Variants in SEM1 observed in about 807,000 individuals in gnomAD.
The protein encoded by SEM1 is 26S proteasome complex subunit SEM1.
In SEM1, 3 loss-of-function variants were observed where a neutral mutation model predicts 12.7. The observed-to-expected ratio is 0.24, with a 90% CI of 0.11 to 0.61. The LOEUF is 0.61. SEM1 is among the 20% of genes least tolerant of loss of function. The probability of loss-of-function intolerance (pLI) is 0.88; values close to 1 mark genes in which losing one functional copy is unlikely to be tolerated. For missense variants in SEM1, 59 were observed against 81.3 expected, an observed-to-expected ratio of 0.73 and a Z score of 1.06; for synonymous variants, 30 against 27.8, an observed-to-expected ratio of 1.08 and a Z score of -0.25.
intron 2 of SEM1, among the ~76,000 whole-genome samples, chr7:96,605,971 A>G (rs1357723006): frequency 1.3e-5 from 2 of 152,174 alleles, no homozygotes; most frequent in Non-Finnish European, 2.9e-5. Flanking sequence ...CTAGTCACTT[A>G]GTAGCCATCT....
At chr7:96,689,850 C>T (rs1789876170) in intron 2 of SEM1, among the ~76,000 whole-genome samples, 1 of 152,206 alleles carries the variant, frequency 6.6e-6, no homozygotes. Context: ...CAGTGCAAGA[C>T]TCTGACTCTG....
intron 2 of SEM1, among the ~76,000 whole-genome samples, chr7:96,585,697 A>T (rs1806603903): frequency 6.6e-6 from 1 of 152,078 alleles, no homozygotes; most frequent in South Asian, 2.1e-4. Flanking sequence ...CCGTCGGAAA[A>T]GTGCAGTATT....
chr7:96,638,122 TGA>T (rs1413707282), intron 2 of SEM1, among the ~76,000 whole-genome samples: 4 of 152,118 alleles, frequency 2.6e-5, no homozygotes, highest in Non-Finnish European at 5.9e-5. Context: ...CAGTTATTAA[TGA>T]GTCCTTCTTC....
chr7:96,555,909 T>G (rs1453848385), intron 2 of SEM1, among the ~76,000 whole-genome samples: 4 of 147,830 alleles, frequency 2.7e-5, no homozygotes, highest in Non-Finnish European at 6.0e-5. Context: ...GATAGTTAGC[T>G]CTTCTTGTTG....
chr7:96,678,626 G>T (rs1434552863), intron 2 of SEM1, among the ~76,000 whole-genome samples: 1 of 152,042 alleles, frequency 6.6e-6, no homozygotes, highest in Non-Finnish European at 1.5e-5. Flanking sequence ...AAAGAGGGTT[G>T]CCTAGAGCCT....
At chr7:96,627,987 T>C (rs1002821036) in intron 2 of SEM1, among the ~76,000 whole-genome samples, 3 of 152,106 alleles carry the variant, frequency 2.0e-5, no homozygotes, top group Non-Finnish European at 2.9e-5. Context: ...TGTTATATCC[T>C]CTTGCTAAAT....
At chr7:96,572,649 G>A (rs1806074314) in intron 2 of SEM1, among the ~76,000 whole-genome samples, 1 of 152,146 alleles carries the variant, frequency 6.6e-6, no homozygotes, top group Non-Finnish European at 1.5e-5. Context: ...CTGAGAGACT[G>A]TTTGTTATGA....
chr7:96,631,559 T>C (rs1398553608), intron 2 of SEM1, among the ~76,000 whole-genome samples: 1 of 152,102 alleles, frequency 6.6e-6, no homozygotes, highest in Non-Finnish European at 1.5e-5. Context: ...TTCAGTGATA[T>C]AAAGTTAAAA....
intron 2 of SEM1, among the ~76,000 whole-genome samples, chr7:96,646,793 C>T (rs1281903247): frequency 6.6e-6 from 1 of 152,158 alleles, no homozygotes; most frequent in East Asian, 1.9e-4. Flanking sequence ...ATGTAAGAGT[C>T]ACAGAGTTTA....
At chr7:96,683,249 A>C (rs564456360) in intron 2 of SEM1, among the ~76,000 whole-genome samples, 2 of 152,250 alleles carry the variant, frequency 1.3e-5, no homozygotes, top group South Asian at 2.1e-4. Flanking sequence ...TCTCAGAAGA[A>C]GACATTTATA....
At chr7:96,689,350 C>A (rs1456385564) in intron 2 of SEM1, among the ~76,000 whole-genome samples, 1 of 152,120 alleles carries the variant, frequency 6.6e-6, no homozygotes, top group African/African-American at 2.4e-5. Context: ...GTACACATCA[C>A]TATCAAACCT....
intron 1 of SEM1, among the ~76,000 whole-genome samples, chr7:96,488,558 G>A (rs550808948): frequency 6.6e-6 from 1 of 152,210 alleles, no homozygotes; most frequent in East Asian, 1.9e-4. Flanking sequence ...TGTTATCAAT[G>A]CTGCCAGGGA....
At chr7:96,616,695 T>C (rs1002438296) in intron 2 of SEM1, among the ~76,000 whole-genome samples, 3 of 152,134 alleles carry the variant, frequency 2.0e-5, no homozygotes, top group Admixed American at 2.0e-4. Context: ...TATATTTAGG[T>C]ATGTAATCCA....
chr7:96,567,803 CTAA>C (rs1382065337), intron 2 of SEM1, among the ~76,000 whole-genome samples: 3 of 151,198 alleles, frequency 2.0e-5, no homozygotes, highest in Non-Finnish European at 3.0e-5. Context: ...AGTAATTTTT[CTAA>C]TAATCTTAAT....
chr7:96,496,686 A>G (rs1226209483), upstream of SEM1, among the ~76,000 whole-genome samples: 5 of 152,192 alleles, frequency 3.3e-5, no homozygotes, highest in East Asian at 7.7e-4. Context: ...AGACATATAT[A>G]CTACAGTTTG....
chr7:96,619,491 G>A (rs1223261237), downstream of SEM1, among the ~76,000 whole-genome samples: 1 of 152,074 alleles, frequency 6.6e-6, no homozygotes, highest in Admixed American at 6.5e-5. Flanking sequence ...GCAGCAGCGG[G>A]GTGAGTGTGC....
At chr7:96,552,254 A>T (rs1805305562) in intron 2 of SEM1, among the ~76,000 whole-genome samples, 3 of 151,998 alleles carry the variant, frequency 2.0e-5, no homozygotes, top group African/African-American at 7.3e-5. Context: ...GGTTAGTTAC[A>T]TATGTATACA....
rs139701557 is a variant in SEM1 at position 96,604,109 on chromosome 7, G to T, written c.170+90689C>A. 6.8e-4 allele frequency among the ~76,000 whole-genome samples: 103 copies of T among 152,270 alleles called. 2 individuals are homozygous for T. The highest frequency in any genetic ancestry group is 8.8e-5 in the Non-Finnish European group (6 of 68,034). ...ACATGAGCAAAGAAGTAATGCAATG[G>T]AGACAGCCCAGCATGAATACATGCA... On this transcript the variant is annotated intron_variant and NMD_transcript_variant, in intron 2 of 3. Coordinates refer to the SEM1 transcript ENST00000466986.
chr7:96,633,805 A>G (rs537202427), intron 2 of SEM1, among the ~76,000 whole-genome samples: 1 of 152,250 alleles, frequency 6.6e-6, no homozygotes, highest in South Asian at 2.1e-4. Context: ...ACTAGGGAGG[A>G]AAAGGAGTAA....
Sources: allele counts gnomAD v4.1 joint callset (sites outside exome capture counted in the v4.1 genomes callset), GRCh38; gene constraint gnomAD v4.1.1; transcripts MANE v1.5; gene names NCBI Gene and HGNC (gene_info 2026-07-23, HGNC 2026-07-21).